Variants in NELL1 observed in about 807,000 individuals in gnomAD.
The protein encoded by NELL1 is protein kinase C-binding protein NELL1.
In NELL1, 76 loss-of-function variants were observed where a neutral mutation model predicts 107.4. The ratio of observed to expected loss-of-function variants is 0.71; its 90% confidence interval spans 0.59 to 0.86. NELL1 has a LOEUF of 0.86. NELL1 is among the 40% of genes least tolerant of loss of function. NELL1 has a pLI of 0.00. For synonymous variants in NELL1, 353 were observed against 341.2 expected (o/e 1.03, Z -0.38); for missense variants, 1,024 against 1,005.5 (o/e 1.02, Z -0.25).
At chr11:20,706,743 A>T (rs1374324661) in intron 2 of NELL1, among the ~76,000 whole-genome samples, 1 of 151,314 alleles carries the variant, frequency 6.6e-6, no homozygotes, top group Non-Finnish European at 1.5e-5. Flanking sequence ...CTGCTGAGAG[A>T]TCCTCTCTTA....
At chr11:20,860,617 CAAGGA>C (rs1269777098) in intron 4 of NELL1, among the ~76,000 whole-genome samples, 5 of 152,254 alleles carry the variant, frequency 3.3e-5, no homozygotes, top group African/African-American at 1.2e-4. Context: ...ATATCAGGCA[CAAGGA>C]AAGGTGAAGA....
At chr11:20,880,036 T>C (rs1007477584) in intron 4 of NELL1, among the ~76,000 whole-genome samples, 2 of 152,212 alleles carry the variant, frequency 1.3e-5, no homozygotes, top group Non-Finnish European at 2.9e-5. Context: ...TTCTGTTACA[T>C]ATTAGCTTGT....
intron 12 of NELL1, among the ~76,000 whole-genome samples, chr11:21,058,857 G>GATTT (rs1277842595): frequency 6.6e-6 from 1 of 151,244 alleles, no homozygotes; most frequent in African/African-American, 2.4e-5. Context: ...ACTTCCCACA[G>GATTT]ATTTATAGAA....
intron 2 of NELL1, among the ~76,000 whole-genome samples, chr11:20,747,884 G>A (rs1856039761): frequency 6.6e-6 from 1 of 152,158 alleles, no homozygotes; most frequent in Admixed American, 6.5e-5. Context: ...ATGTCCTCAA[G>A]CTATGTGTCT....
chr11:21,397,949 T>C (rs1234574371), intron 15 of NELL1, among the ~76,000 whole-genome samples: 1 of 151,544 alleles, frequency 6.6e-6, no homozygotes, highest in Non-Finnish European at 1.5e-5. Flanking sequence ...TCTTGGACTC[T>C]TCTGTCGCCA....
chr11:21,536,895 A>C (rs1272208430), intron 16 of NELL1, among the ~76,000 whole-genome samples: 1 of 152,086 alleles, frequency 6.6e-6, no homozygotes, highest in Non-Finnish European at 1.5e-5. Context: ...CCTGGTGCTC[A>C]TTTCTCTCTA....
chr11:20,832,877 C>G (rs746500002), intron 3 of NELL1, among the ~76,000 whole-genome samples: 22 of 152,168 alleles, frequency 1.4e-4, no homozygotes, highest in Non-Finnish European at 3.1e-4. Flanking sequence ...CTCTCATCCT[C>G]CAGTACTGTG....
intron 12 of NELL1, among the ~76,000 whole-genome samples, chr11:21,031,997 A>G (rs1852969928): frequency 1.3e-5 from 2 of 151,492 alleles, no homozygotes; most frequent in South Asian, 4.2e-4. Context: ...GTGAGCCAAG[A>G]TTGCGCTCCT....
rs1021282447 is a variant in NELL1 at position 20,947,435 on chromosome 11, G to A, written c.1171G>A (p.Gly391Ser). The A allele has an allele frequency of 1.9e-6, 3 of 1,613,298 alleles. No homozygotes were observed. Among genetic ancestry groups the A allele is most frequent in the Non-Finnish European group, 2.5e-6 (3 of 1,179,442 alleles). Residue 391 changes from glycine (G) to serine (S), a missense_variant and splice_region_variant, in exon 11 of 20, where the codon GGT becomes AGT. By Grantham distance (56) the Gly-to-Ser change is moderately conservative. Transcript: ENST00000357134. ...GAATCAGTGCTGCCGTGTCTGTAGAGGTAAGTGGGCTTGGTGGTGGGCCAT... is the reference window on the plus strand; with the variant it reads ...GAATCAGTGCTGCCGTGTCTGTAGAAGTAAGTGGGCTTGGTGGTGGGCCAT... ...PENQCCRVCR[G>S]HNFCAEGPKC...
intron 16 of NELL1, among the ~76,000 whole-genome samples, chr11:21,538,068 C>T (rs887002456): frequency 6.6e-6 from 1 of 152,070 alleles, no homozygotes; most frequent in Non-Finnish European, 1.5e-5. Context: ...TAATATCAAC[C>T]ACTAATGCTT....
chr11:20,689,118 T>A (rs958395004), intron 2 of NELL1, among the ~76,000 whole-genome samples: 1 of 152,068 alleles, frequency 6.6e-6, no homozygotes, highest in East Asian at 1.9e-4. Context: ...CTTTTTAATA[T>A]TGTTATTTGG....
intron 13 of NELL1, among the ~76,000 whole-genome samples, chr11:21,183,795 G>A (rs1248436779): frequency 6.6e-6 from 1 of 151,806 alleles, no homozygotes; most frequent in Admixed American, 6.6e-5. Flanking sequence ...GGAATCAGGT[G>A]ATTGGAATGT....
At chr11:21,265,300 A>G (rs887091078) in intron 14 of NELL1, among the ~76,000 whole-genome samples, 2 of 152,084 alleles carry the variant, frequency 1.3e-5, no homozygotes, top group Admixed American at 6.6e-5. Flanking sequence ...AATAAAAACT[A>G]TATTCAGAAG....
intron 3 of NELL1, among the ~76,000 whole-genome samples, chr11:20,798,417 T>A (rs897779840): frequency 1.3e-5 from 2 of 152,220 alleles, no homozygotes; most frequent in Non-Finnish European, 2.9e-5. Context: ...AATGTAGCCA[T>A]TAACCTTTAC....
intron 3 of NELL1, among the ~76,000 whole-genome samples, chr11:20,834,479 G>A (rs1848493115): frequency 6.6e-6 from 1 of 152,114 alleles, no homozygotes; most frequent in Non-Finnish European, 1.5e-5. Flanking sequence ...ATATAAATTT[G>A]TGATTTATTT....
intron 14 of NELL1, among the ~76,000 whole-genome samples, chr11:21,331,930 T>G (rs1190197815): frequency 6.6e-6 from 1 of 152,018 alleles, no homozygotes. Context: ...TCAGTGATTT[T>G]GAGGAGCTCT....
chr11:21,424,876 A>T (rs895575161), intron 15 of NELL1, among the ~76,000 whole-genome samples: 1 of 152,144 alleles, frequency 6.6e-6, no homozygotes. Flanking sequence ...CAGAAATAAC[A>T]TGACAAAATC....
intron 15 of NELL1, among the ~76,000 whole-genome samples, chr11:21,533,611 T>G (rs1299141269): frequency 6.6e-6 from 1 of 152,120 alleles, no homozygotes; most frequent in Non-Finnish European, 1.5e-5. Flanking sequence ...AACCGGGTAT[T>G]TGGTGATTCT....
At chr11:20,999,685 T>A (rs1852172171) in intron 12 of NELL1, among the ~76,000 whole-genome samples, 1 of 149,820 alleles carries the variant, frequency 6.7e-6, no homozygotes, top group African/African-American at 2.5e-5. Context: ...CCTTGTTTTC[T>A]AAAAAGTTCA....
Sources: allele counts gnomAD v4.1 joint callset (sites outside exome capture counted in the v4.1 genomes callset), GRCh38; gene constraint gnomAD v4.1.1; transcripts MANE v1.5; gene names NCBI Gene and HGNC (gene_info 2026-07-23, HGNC 2026-07-21).